Variants in HS3ST4 observed in about 807,000 individuals in gnomAD.
HS3ST4 encodes heparan sulfate glucosamine 3-O-sulfotransferase 4.
HS3ST4 carries 17 observed loss-of-function variants against 29.2 expected under a neutral mutation model. The ratio of observed to expected loss-of-function variants is 0.58; its 90% CI spans 0.40 to 0.87. The LOEUF (loss-of-function observed/expected upper bound fraction) is 0.87, where lower values mean the gene tolerates loss of function less well. Among genes scored for constraint, HS3ST4 ranks in the 40% least tolerant of loss-of-function variants. The pLI is 0.00. For missense variants in HS3ST4, 627 were observed against 634.5 expected (o/e 0.99, Z 0.13); for synonymous variants, 314 against 285.7 (o/e 1.10, Z -1.00).
chr16:25,981,690 C>T (rs1046654423), intron 1 of HS3ST4, among the ~76,000 whole-genome samples: 2 of 150,406 alleles, frequency 1.3e-5, no homozygotes, highest in Non-Finnish European at 2.9e-5. Flanking sequence ...TTGTATCCCA[C>T]AAACCTTTGG....
At chr16:25,745,753 A>C (rs1383281913) in intron 1 of HS3ST4, among the ~76,000 whole-genome samples, 1 of 152,222 alleles carries the variant, frequency 6.6e-6, no homozygotes, top group African/African-American at 2.4e-5. Context: ...TTATATAAAA[A>C]GAATCATATA....
intron 1 of HS3ST4, among the ~76,000 whole-genome samples, chr16:26,028,049 G>A (rs1969492893): frequency 6.6e-6 from 1 of 152,096 alleles, no homozygotes; most frequent in Non-Finnish European, 1.5e-5. Context: ...GAGGTGGGTG[G>A]ATCACCTGAG....
At chr16:25,785,237 T>C (rs1359939231) in intron 1 of HS3ST4, among the ~76,000 whole-genome samples, 2 of 152,240 alleles carry the variant, frequency 1.3e-5, no homozygotes, top group Non-Finnish European at 2.9e-5. Context: ...GATTAATGTT[T>C]TCATGTGTGT....
intron 1 of HS3ST4, among the ~76,000 whole-genome samples, chr16:25,957,657 G>C (rs1051722156): frequency 1.3e-5 from 2 of 152,182 alleles, no homozygotes; most frequent in Non-Finnish European, 2.9e-5. Context: ...GACCTCAGGT[G>C]ATCTGCCCGC....
intron 1 of HS3ST4, among the ~76,000 whole-genome samples, chr16:26,129,917 G>A (rs1390751536): frequency 6.6e-6 from 1 of 152,126 alleles, no homozygotes; most frequent in East Asian, 1.9e-4. Flanking sequence ...GTTTCTGTGA[G>A]GACCCCAGAG....
chr16:26,110,127 A>G (rs1364750871), intron 1 of HS3ST4, among the ~76,000 whole-genome samples: 1 of 152,254 alleles, frequency 6.6e-6, no homozygotes, highest in East Asian at 1.9e-4. Flanking sequence ...GATTCTACAT[A>G]TAAGTAAGAT....
chr16:26,067,036 TAAGTGCATGG>T (rs990735724), intron 1 of HS3ST4, among the ~76,000 whole-genome samples: 3 of 152,188 alleles, frequency 2.0e-5, no homozygotes. Context: ...AAAGTCCTTG[TAAGTGCATGG>T]GAATTTGACA....
At chr16:25,857,791 T>G (rs1192137740) in intron 1 of HS3ST4, among the ~76,000 whole-genome samples, 1 of 152,138 alleles carries the variant, frequency 6.6e-6, no homozygotes, top group African/African-American at 2.4e-5. Flanking sequence ...TATATAATTC[T>G]ACATAGAAGT....
intron 1 of HS3ST4, among the ~76,000 whole-genome samples, chr16:25,997,900 T>G (rs1969171032): frequency 6.6e-6 from 1 of 152,180 alleles, no homozygotes; most frequent in Admixed American, 6.5e-5. Flanking sequence ...TGGCTCTTCA[T>G]TATCCTAGTC....
chr16:26,034,651 C>A (rs1251247935), intron 1 of HS3ST4, among the ~76,000 whole-genome samples: 1 of 143,444 alleles, frequency 7.0e-6, no homozygotes, highest in African/African-American at 2.8e-5. Flanking sequence ...TGGAGGTGCT[C>A]CATTAAATAG....
chr16:26,004,783 T>G lies in HS3ST4; in HGVS notation c.735-130829T>G, dbSNP rs1374037227. On this transcript the variant is annotated intron_variant, in intron 1 of 1. Coordinates refer to ENST00000331351, the MANE Select transcript of HS3ST4 (RefSeq NM_006040.3). The stretch of plus-strand genomic sequence containing the variant: ...CAATGTATGATGTGGCACATCATGA[T>G]ACCTCATGAAGAATAAAATTAAACA... 2.0e-5 allele frequency among the ~76,000 whole-genome samples: 3 copies of G among 152,358 alleles called. No individual in the cohort carries two copies. The East Asian group carries it at 5.8e-4, about 29-fold the overall frequency.
At chr16:25,968,556 A>C (rs1968866389) in intron 1 of HS3ST4, among the ~76,000 whole-genome samples, 1 of 152,078 alleles carries the variant, frequency 6.6e-6, no homozygotes, top group African/African-American at 2.4e-5. Flanking sequence ...AGCCTCCTTC[A>C]TGTATCCGTA....
At chr16:25,814,176 T>G (rs974573984) in intron 1 of HS3ST4, among the ~76,000 whole-genome samples, 1 of 152,234 alleles carries the variant, frequency 6.6e-6, no homozygotes, top group Non-Finnish European at 1.5e-5. Context: ...ATTACATGGC[T>G]TCATTAAGTT....
At chr16:25,924,614 A>G (rs1471702104) in intron 1 of HS3ST4, among the ~76,000 whole-genome samples, 4 of 152,224 alleles carry the variant, frequency 2.6e-5, no homozygotes, top group Admixed American at 2.6e-4. Context: ...CAAAATTGAA[A>G]TCTTTGCAAT....
At chr16:26,039,837 C>A (rs375210265) in intron 1 of HS3ST4, among the ~76,000 whole-genome samples, 1 of 152,038 alleles carries the variant, frequency 6.6e-6, no homozygotes, top group Non-Finnish European at 1.5e-5. Context: ...TTCTCCATTT[C>A]GAAAAACTTC....
intron 1 of HS3ST4, among the ~76,000 whole-genome samples, chr16:25,841,162 C>T (rs1967409048): frequency 6.6e-6 from 1 of 151,966 alleles, no homozygotes; most frequent in African/African-American, 2.4e-5. Context: ...CCCGCCACCT[C>T]ACCTGGCTAA....
At chr16:26,055,516 A>AC (rs1426971606) in intron 1 of HS3ST4, among the ~76,000 whole-genome samples, 1 of 152,134 alleles carries the variant, frequency 6.6e-6, no homozygotes, top group Non-Finnish European at 1.5e-5. Flanking sequence ...TGTCACATGC[A>AC]CCTGCTGCTG....
At chr16:25,886,233 AT>A (rs1426480886) in intron 1 of HS3ST4, among the ~76,000 whole-genome samples, 6 of 151,944 alleles carry the variant, frequency 3.9e-5, no homozygotes, top group Non-Finnish European at 8.8e-5. Flanking sequence ...GGGTTTCACC[AT>A]GTTGGCCGGG....
intron 1 of HS3ST4, among the ~76,000 whole-genome samples, chr16:25,747,788 C>T (rs1184694591): frequency 6.6e-6 from 1 of 152,152 alleles, no homozygotes; most frequent in Non-Finnish European, 1.5e-5. Flanking sequence ...GCAGACAATT[C>T]GTAGTTGGAG....
Sources: gnomAD v4.1 joint callset for allele counts (sites outside exome capture counted in the v4.1 genomes callset) on GRCh38, gnomAD v4.1.1 for gene constraint, MANE v1.5 for transcripts, NCBI Gene and HGNC (gene_info 2026-07-23, HGNC 2026-07-21) for gene names.